Variants in NLGN1 observed in about 807,000 individuals in gnomAD.
NLGN1 encodes neuroligin 1.
Under a neutral mutation model 65.5 loss-of-function variants are expected in NLGN1, and 12 were observed. The observed-to-expected ratio is 0.18, with a 90% CI of 0.12 to 0.30. NLGN1 has a LOEUF of 0.30. NLGN1 is among the 10% of genes least tolerant of loss of function. The pLI, the probability that NLGN1 is intolerant of heterozygous loss-of-function variation, is 1.00. For missense variants in NLGN1, 750 were observed against 1,007.1 expected, an observed-to-expected ratio of 0.74 and a Z score of 3.46; for synonymous variants, 350 against 359.5, an observed-to-expected ratio of 0.97 and a Z score of 0.30.
At chr3:174,135,234 T>A (rs989991410) in intron 4 of NLGN1, among the ~76,000 whole-genome samples, 3 of 152,194 alleles carry the variant, frequency 2.0e-5, no homozygotes. Flanking sequence ...ATTAGGTAAA[T>A]GTCTGAAAAT....
At chr3:173,736,063 G>A (rs1773689208) in intron 3 of NLGN1, among the ~76,000 whole-genome samples, 2 of 152,006 alleles carry the variant, frequency 1.3e-5, no homozygotes, top group Admixed American at 1.3e-4. Context: ...AAGACTTCAT[G>A]TTTGGGAGGT....
intron 4 of NLGN1, among the ~76,000 whole-genome samples, chr3:173,845,975 G>A (rs1725715432): frequency 6.6e-6 from 1 of 151,316 alleles, no homozygotes; most frequent in Admixed American, 6.6e-5. Flanking sequence ...TTAAAGATGG[G>A]GTCTTGCTAT....
At position 173,544,409 on chromosome 3, in the gene NLGN1, A is replaced by T. The variant is rs575211835; in HGVS notation, c.-320-59870A>T. On this transcript the variant is annotated intron_variant, in intron 2 of 6. Transcript: ENST00000457714. ...TGGCAATCATGACAGAGAAAAGTAGATGTCATAAAATAGGTAGGTTCTAGT... is the reference window on the plus strand; with the variant it reads ...TGGCAATCATGACAGAGAAAAGTAGTTGTCATAAAATAGGTAGGTTCTAGT... Among the ~76,000 whole-genome samples, 23 of 152,084 alleles carry T rather than the reference A, an allele frequency of 1.5e-4. No individual in the cohort carries two copies. The South Asian group carries it at 3.9e-3, about 26-fold the overall frequency.
intron 3 of NLGN1, among the ~76,000 whole-genome samples, chr3:173,783,796 G>A (rs1781544852): frequency 6.6e-6 from 1 of 152,010 alleles, no homozygotes; most frequent in Non-Finnish European, 1.5e-5. Flanking sequence ...TGTATTTTTA[G>A]TAGAGACAGA....
intron 4 of NLGN1, among the ~76,000 whole-genome samples, chr3:173,945,937 G>A (rs1747064730): frequency 6.6e-6 from 1 of 152,130 alleles, no homozygotes; most frequent in Non-Finnish European, 1.5e-5. Flanking sequence ...GGCTGTCAGG[G>A]TAGGGCTTAG....
intron 3 of NLGN1, among the ~76,000 whole-genome samples, chr3:173,716,325 A>G (rs1277805825): frequency 6.6e-6 from 1 of 152,164 alleles, no homozygotes; most frequent in Non-Finnish European, 1.5e-5. Context: ...TCAATAGGGT[A>G]GTGTTTGTGT....
chr3:173,949,113 A>G (rs1747733062), intron 4 of NLGN1, among the ~76,000 whole-genome samples: 1 of 152,142 alleles, frequency 6.6e-6, no homozygotes, highest in Non-Finnish European at 1.5e-5. Flanking sequence ...GTAAATGAGA[A>G]TTTAGAAAAA....
rs1175297848 is a variant in NLGN1 at position 174,187,236 on chromosome 3, G to C, written c.647-88079G>C. Among the ~76,000 whole-genome samples, 5 of 151,922 alleles carry C rather than the reference G, an allele frequency of 3.3e-5. No individual in the cohort carries two copies. The East Asian group carries it at 7.7e-4, about 23-fold the overall frequency. On this transcript the variant is annotated intron_variant, in intron 4 of 6. Coordinates refer to ENST00000457714, the Ensembl canonical transcript of NLGN1. ...TCCTACTGTAGAGCATATGGATTTA[G>C]AGCAGCCTTGGATTTGTATTTTGAC...
chr3:173,523,254 G>A (rs1345765638), intron 2 of NLGN1, among the ~76,000 whole-genome samples: 3 of 151,592 alleles, frequency 2.0e-5, no homozygotes, highest in Admixed American at 1.3e-4. Context: ...AAGCTTTTTA[G>A]TATAATTAAA....
intron 4 of NLGN1, among the ~76,000 whole-genome samples, chr3:174,267,220 C>A (rs951973724): frequency 2.0e-5 from 3 of 152,164 alleles, no homozygotes; most frequent in African/African-American, 7.2e-5. Context: ...TTCTGCAGTT[C>A]TGTACAAGAA....
At chr3:174,119,115 T>C (rs182475204) in intron 4 of NLGN1, among the ~76,000 whole-genome samples, 18 of 152,296 alleles carry the variant, frequency 1.2e-4, no homozygotes, top group African/African-American at 3.6e-4. Context: ...ATGTCTTTTA[T>C]TGAAATCTCA....
At chr3:173,827,028 C>G (rs1300044023) in intron 4 of NLGN1, among the ~76,000 whole-genome samples, 1 of 151,986 alleles carries the variant, frequency 6.6e-6, no homozygotes, top group Non-Finnish European at 1.5e-5. Flanking sequence ...GAAAATCTAC[C>G]TCTGATTAGG....
At chr3:174,253,160 C>A (rs979003451) in intron 4 of NLGN1, among the ~76,000 whole-genome samples, 3 of 151,010 alleles carry the variant, frequency 2.0e-5, no homozygotes, top group Non-Finnish European at 3.0e-5. Flanking sequence ...TTTTTTTCAA[C>A]ATAGCTCCCC....
intron 5 of NLGN1, among the ~76,000 whole-genome samples, chr3:174,276,116 G>T (rs951242647): frequency 4.0e-5 from 6 of 151,776 alleles, no homozygotes; most frequent in African/African-American, 1.5e-4. Context: ...TTGATTCAGT[G>T]TTTTTTCTAT....
chr3:173,679,524 G>A (rs1763653047), intron 3 of NLGN1, among the ~76,000 whole-genome samples: 1 of 152,110 alleles, frequency 6.6e-6, no homozygotes, highest in African/African-American at 2.4e-5. Context: ...TTATCTCCAT[G>A]TGTTGGAATT....
chr3:174,036,124 T>TA (rs912081323), intron 4 of NLGN1, among the ~76,000 whole-genome samples: 3 of 152,194 alleles, frequency 2.0e-5, no homozygotes, highest in African/African-American at 7.2e-5. Context: ...ATTCTTCAAC[T>TA]AAGGACTTTA....
rs117789632 is a variant in NLGN1, at chr3:174,279,207, C to T, written c.1206C>T (p.Ser402=). The change falls in exon 6 of 7, where the codon AGC becomes AGT. Residue 402 remains serine (S), a synonymous_variant. Transcript: ENST00000457714. The surrounding 1 kb of genome is among the most constrained non-coding windows in gnomAD (Gnocchi z 4.7). ...AATTTGTTGAAAATATAGTAGATAG[C>T]GATGATGGTATATCAGCTAGTGATT... The T allele has an allele frequency of 1.1e-3, 1,796 of 1,613,086 alleles. 23 individuals are homozygous for T. The highest frequency in any genetic ancestry group is 7.9e-3 in the East Asian group (356 of 44,838).
intron 2 of NLGN1, among the ~76,000 whole-genome samples, chr3:173,588,048 A>C (rs1433251866): frequency 6.6e-6 from 1 of 152,212 alleles, no homozygotes; most frequent in Non-Finnish European, 1.5e-5. Context: ...TTCCAAGTGC[A>C]AATCTTCCAT....
chr3:174,202,130 T>A (rs1226770764), intron 4 of NLGN1, among the ~76,000 whole-genome samples: 2 of 152,122 alleles, frequency 1.3e-5, no homozygotes, highest in East Asian at 3.9e-4. Context: ...ATCTTATCCC[T>A]CTCCGTTGAA....
Sources: allele counts gnomAD v4.1 joint callset (sites outside exome capture counted in the v4.1 genomes callset), GRCh38; gene constraint gnomAD v4.1.1; non-coding constraint Gnocchi (gnomAD v3.1); transcripts MANE v1.5; gene names NCBI Gene and HGNC (gene_info 2026-07-23, HGNC 2026-07-21).